The following SLC24A2 variants were observed in gnomAD, a reference collection of about 807,000 sequenced individuals.
SLC24A2 encodes the protein sodium/potassium/calcium exchanger 2.
SLC24A2 carries 36 observed loss-of-function variants against 62.0 expected under a neutral mutation model. That is an observed-to-expected ratio of 0.58 (90% CI 0.44 to 0.77). The LOEUF (loss-of-function observed/expected upper bound fraction) is 0.77, where lower values mean the gene tolerates loss of function less well. Ranked by LOEUF, SLC24A2 falls within the 30% of genes least tolerant of loss-of-function variation. The pLI is 0.00. For missense variants in SLC24A2, 846 were observed against 817.9 expected, an observed-to-expected ratio of 1.03 and a Z score of -0.42; for synonymous variants, 358 against 294.0, an observed-to-expected ratio of 1.22 and a Z score of -2.23.
the SLC24A2 span, among the ~76,000 whole-genome samples, chr9:20,024,227 T>C: frequency 6.6e-6 from 1 of 152,214 alleles, no homozygotes; most frequent in East Asian, 1.9e-4. Context: ...CTGTGCCGTC[T>C]GGATTTGGTT....
chr9:19,648,263 T>A (rs2118136189), intron 2 of SLC24A2, among the ~76,000 whole-genome samples: 1 of 152,286 alleles, frequency 6.6e-6, no homozygotes. Context: ...GCCACATCTG[T>A]CTGATTCTAA....
chr9:19,689,111 T>C (rs572818531), intron 2 of SLC24A2, among the ~76,000 whole-genome samples: 1 of 152,278 alleles, frequency 6.6e-6, no homozygotes, highest in Admixed American at 6.5e-5. Context: ...ACATTTTCAA[T>C]ATGACAAATA....
chr9:20,258,866 A>G, the SLC24A2 span, among the ~76,000 whole-genome samples: 5 of 54,980 alleles, frequency 9.1e-5, no homozygotes, highest in African/African-American at 1.8e-4. Context: ...ATGTCTATCT[A>G]TCCATCCATC....
At chr9:19,667,479 C>G (rs1298263109) in intron 2 of SLC24A2, among the ~76,000 whole-genome samples, 1 of 152,126 alleles carries the variant, frequency 6.6e-6, no homozygotes, top group African/African-American at 2.4e-5. Flanking sequence ...ACTGCTTCAG[C>G]TCCTTCCTTC....
intron 2 of SLC24A2, among the ~76,000 whole-genome samples, chr9:19,727,189 T>C (rs552672980): frequency 3.3e-5 from 5 of 152,354 alleles, no homozygotes; most frequent in Admixed American, 2.6e-4. Flanking sequence ...TTTAATGCTA[T>C]GGCCTCAGTT....
At chr9:20,069,215 T>G in the SLC24A2 span, among the ~76,000 whole-genome samples, 1 of 152,164 alleles carries the variant, frequency 6.6e-6, no homozygotes, top group African/African-American at 2.4e-5. Flanking sequence ...TTGCTGAACT[T>G]AGTAAGGGAT....
chr9:19,543,580 T>C (rs562963420), intron 8 of SLC24A2, among the ~76,000 whole-genome samples: 108 of 152,308 alleles, frequency 7.1e-4, no homozygotes, highest in African/African-American at 2.5e-3. Context: ...GTGCTATAAA[T>C]TTCCCTCTAC....
chr9:19,718,744 T>C (rs1417094630), intron 2 of SLC24A2, among the ~76,000 whole-genome samples: 1 of 152,160 alleles, frequency 6.6e-6, no homozygotes, highest in Non-Finnish European at 1.5e-5. Context: ...CATGTTCAAA[T>C]GCTTATGTAA....
chr9:20,238,256 A>G, the SLC24A2 span, among the ~76,000 whole-genome samples: 1 of 152,206 alleles, frequency 6.6e-6, no homozygotes, highest in South Asian at 2.1e-4. Flanking sequence ...TTCACATGTT[A>G]TGAATTTTAA....
the SLC24A2 span, among the ~76,000 whole-genome samples, chr9:20,231,230 C>T: frequency 5.9e-5 from 9 of 151,836 alleles, no homozygotes; most frequent in African/African-American, 1.9e-4. Flanking sequence ...CTTTTTTGGT[C>T]CCATATGAAC....
At chr9:20,262,109 G>A in the SLC24A2 span, among the ~76,000 whole-genome samples, 3 of 152,128 alleles carry the variant, frequency 2.0e-5, no homozygotes, top group Admixed American at 6.5e-5. Context: ...TCTCTGTACA[G>A]ATAGGAAAAG....
the SLC24A2 span, among the ~76,000 whole-genome samples, chr9:20,155,757 G>A: frequency 6.6e-6 from 1 of 151,540 alleles, no homozygotes. Context: ...AAAAACCAAA[G>A]GTGAATACGT....
At chr9:19,891,613 A>G in the SLC24A2 span, among the ~76,000 whole-genome samples, 4 of 151,978 alleles carry the variant, frequency 2.6e-5, no homozygotes, top group Non-Finnish European at 1.5e-5. Context: ...TGGCATAGTG[A>G]CTCATGCCTG....
chr9:20,094,159 TA>T, the SLC24A2 span, among the ~76,000 whole-genome samples: 9 of 152,186 alleles, frequency 5.9e-5, no homozygotes, highest in Admixed American at 5.9e-4. Flanking sequence ...TATATGTCCT[TA>T]TATATTCTAT....
At chr9:20,160,315 G>C in the SLC24A2 span, among the ~76,000 whole-genome samples, 2 of 151,284 alleles carry the variant, frequency 1.3e-5, no homozygotes, top group Non-Finnish European at 3.0e-5. Flanking sequence ...ATACCTCAAG[G>C]AGAAACATAG....
At chr9:20,213,610 A>G in the SLC24A2 span, among the ~76,000 whole-genome samples, 1 of 152,214 alleles carries the variant, frequency 6.6e-6, no homozygotes, top group Non-Finnish European at 1.5e-5. Context: ...GGAAGAGAAG[A>G]TATAGATAAC....
At chr9:20,072,855 A>G in the SLC24A2 span, among the ~76,000 whole-genome samples, 7 of 152,262 alleles carry the variant, frequency 4.6e-5, no homozygotes, top group Non-Finnish European at 4.4e-5. Context: ...CCGCTAATAC[A>G]TTAACCTTAA....
At chr9:19,848,056 G>C in the SLC24A2 span, among the ~76,000 whole-genome samples, 2 of 152,128 alleles carry the variant, frequency 1.3e-5, no homozygotes, top group Non-Finnish European at 2.9e-5. Flanking sequence ...CACAATTCTT[G>C]TATGATATCA....
At chr9:20,068,959 G>C in the SLC24A2 span, among the ~76,000 whole-genome samples, 1 of 152,058 alleles carries the variant, frequency 6.6e-6, no homozygotes, top group Non-Finnish European at 1.5e-5. Flanking sequence ...AAATATAACA[G>C]CTGATTAGAC....
Sources: allele counts gnomAD v4.1 joint callset (sites outside exome capture counted in the v4.1 genomes callset), GRCh38; gene constraint gnomAD v4.1.1; transcripts MANE v1.5; gene names NCBI Gene and HGNC (gene_info 2026-07-23, HGNC 2026-07-21).